Variants in NUP93 observed in about 807,000 individuals in gnomAD.
The protein encoded by NUP93 is nuclear pore complex protein Nup93.
NUP93 carries 55 observed loss-of-function variants against 107.8 expected under a neutral mutation model. The observed-to-expected ratio is 0.51, with a 90% CI of 0.41 to 0.64. The LOEUF (loss-of-function observed/expected upper bound fraction) is 0.64, where lower values mean the gene tolerates loss of function less well. Among genes scored for constraint, NUP93 ranks in the 30% least tolerant of loss-of-function variants. NUP93 has a pLI of 0.00. For synonymous variants in NUP93, 390 were observed against 397.5 expected, an observed-to-expected ratio of 0.98 and a Z score of 0.22; for missense variants, 937 against 1,044.7, an observed-to-expected ratio of 0.90 and a Z score of 1.42.
At chr16:56,833,097 G>T (rs753227891) in intron 12 of NUP93, 118 bp from the exon 13 acceptor site, 28 of 816,274 alleles carry the variant, frequency 3.4e-5, no homozygotes, top group Non-Finnish European at 5.4e-5. Flanking sequence ...TCAATCTGGT[G>T]CTTTCTTCCT....
intron 4 of NUP93, among the ~76,000 whole-genome samples, chr16:56,801,289 G>A (rs1402819151): frequency 6.6e-6 from 1 of 152,160 alleles, no homozygotes; most frequent in Admixed American, 6.5e-5. Flanking sequence ...AGAATAGATT[G>A]GAATGGGACA....
rs1963979836 is a variant in NUP93, at chr16:56,839,520, G to A, written c.2137-1G>A. On this transcript the variant is annotated splice_acceptor_variant, in intron 19 of 21. Coordinates refer to ENST00000308159, the MANE Select transcript of NUP93 (RefSeq NM_014669.5). LOFTEE classifies it high-confidence loss of function. ...ATGGGGCCGGTGGTTGTTTTAAACA[G>A]ATCATTGAGCGCTTGAAGCTGGTGC... 1 of 1,610,326 alleles carries A rather than the reference G, an allele frequency of 6.2e-7. No homozygotes were observed. Among genetic ancestry groups the A allele is most frequent in the African/African-American group, 1.3e-5 (1 of 74,672 alleles).
At chr16:56,766,371 C>T (rs1032815325) in intron 3 of NUP93, among the ~76,000 whole-genome samples, 5 of 152,186 alleles carry the variant, frequency 3.3e-5, no homozygotes, top group African/African-American at 1.2e-4. Flanking sequence ...CTCCCTCCTT[C>T]ACCAGCTATC....
At chr16:56,803,156 A>AAAATC (rs1284567278) in intron 4 of NUP93, among the ~76,000 whole-genome samples, 1 of 152,256 alleles carries the variant, frequency 6.6e-6, no homozygotes, top group Non-Finnish European at 1.5e-5. Flanking sequence ...GTTTCTTTAA[A>AAAATC]AAATCAAATC....
chr16:56,790,635 C>A (rs1456261632), intron 3 of NUP93, among the ~76,000 whole-genome samples: 4 of 152,148 alleles, frequency 2.6e-5, no homozygotes, highest in Non-Finnish European at 4.4e-5. Context: ...AGAGGTCATT[C>A]ATTTGTTCAG....
intron 2 of NUP93, among the ~76,000 whole-genome samples, chr16:56,754,675 G>T (rs143770635): frequency 6.6e-6 from 1 of 152,170 alleles, no homozygotes; most frequent in Admixed American, 6.5e-5. Flanking sequence ...GGCACATGGT[G>T]CAAACCATCA....
At chr16:56,748,150 T>C in intron 1 of NUP93, 84 bp from the exon 2 acceptor site, 1 of 947,984 alleles carries the variant, frequency 1.1e-6, no homozygotes. Flanking sequence ...TTCTGCTGTT[T>C]TGTTAAGCTT....
intron 3 of NUP93, among the ~76,000 whole-genome samples, chr16:56,770,739 A>C (rs890981208): frequency 1.3e-5 from 2 of 152,116 alleles, no homozygotes; most frequent in Admixed American, 1.3e-4. Flanking sequence ...GGACTGGTAC[A>C]TGAAGTGTGT....
chr16:56,751,673 A>G lies in NUP93; in HGVS notation c.179+3247A>G, dbSNP rs145801253. Among the ~76,000 whole-genome samples the G allele has an allele frequency of 4.0e-3, 612 of 152,332 alleles. 2 individuals carry two copies. The highest frequency in any genetic ancestry group is 6.4e-3 in the Non-Finnish European group (436 of 68,030). On this transcript the variant is annotated intron_variant, in intron 2 of 21. Coordinates refer to ENST00000308159, the MANE Select transcript of NUP93 (RefSeq NM_014669.5). The stretch of plus-strand genomic sequence containing the variant: ...GAGGCTTAGAAAGATTATGTATCCA[A>G]TATTTTCAGTGAGTGACAGGTGAGA...
At chr16:56,795,470 C>T (rs1022135063) in intron 3 of NUP93, among the ~76,000 whole-genome samples, 4 of 151,952 alleles carry the variant, frequency 2.6e-5, no homozygotes. Flanking sequence ...CTGAATGAAC[C>T]ATGTGGGTTC....
rs1314943150 is a variant in NUP93 at position 56,848,142 on chromosome 16, G to A, written c.*3533G>A. The A allele has an allele frequency of 6.6e-6, 1 of 152,060 alleles. No individual in the cohort carries two copies. The highest frequency in any genetic ancestry group is 1.5e-5 in the Non-Finnish European group (1 of 68,000). 9.4% of individuals were successfully genotyped at this position (152,060 alleles called of 1,614,324 possible). ...CCAGAACCTTTGTCTAGTTCATTAG[G>A]TGGTTCACATCACTTGCCAAATTTC... On this transcript the variant is annotated 3_prime_UTR_variant, in exon 22 of 22. Transcript: ENST00000308159.
At chr16:56,838,125 C>T (rs1174938244) in intron 18 of NUP93, among the ~76,000 whole-genome samples, 1 of 152,176 alleles carries the variant, frequency 6.6e-6, no homozygotes, top group Non-Finnish European at 1.5e-5. Context: ...GTGTTTCAGA[C>T]TACCTGGATC....
chr16:56,765,106 G>A (rs1962193830), intron 3 of NUP93, among the ~76,000 whole-genome samples: 1 of 152,172 alleles, frequency 6.6e-6, no homozygotes, highest in Non-Finnish European at 1.5e-5. Context: ...ATATGCCTGA[G>A]TAGGCTCTTC....
intron 3 of NUP93, among the ~76,000 whole-genome samples, chr16:56,765,451 C>T (rs1257807261): frequency 6.6e-6 from 1 of 152,176 alleles, no homozygotes; most frequent in Non-Finnish European, 1.5e-5. Flanking sequence ...ATAGTTAATG[C>T]TCCTGGGCTC....
chr16:56,768,728 G>A lies in NUP93; in HGVS notation c.297+10073G>A, dbSNP rs553361193. On this transcript the variant is annotated intron_variant, in intron 3 of 21. Transcript: ENST00000308159. ...AAAAAATACAAAAAATTAGCCTGGT[G>A]TGGTGGCGGGCGCCTGTAGTCCCAG... Among the ~76,000 whole-genome samples the A allele has an allele frequency of 2.0e-3, 311 of 151,756 alleles. 8 individuals carry two copies. The East Asian group carries it at 0.057, about 28-fold the overall frequency.
rs369078681 is a variant in NUP93 at position 56,844,557 on chromosome 16, C to T, written c.2408C>T (p.Thr803Met). 71 of 1,583,734 alleles carry T rather than the reference C, an allele frequency of 4.5e-5. No individual in the cohort carries two copies. The highest frequency in any genetic ancestry group is 5.5e-5 in the Non-Finnish European group (64 of 1,165,544). ...TTTGCTGGAATGATACCATACCGAA[C>T]GTCTGGGGACACCAATGCGAGGCTG... ...ITFAGMIPYR[T>M]SGDTNARLVQ... The change falls in exon 22 of 22, where the codon ACG (threonine) becomes ATG (methionine). Residue 803 changes from threonine (T) to methionine (M), a missense_variant. Coordinates refer to ENST00000308159, the MANE Select transcript of NUP93 (RefSeq NM_014669.5).
At chr16:56,836,550 C>A (rs1477391178) in intron 16 of NUP93, 51 bp from the exon 17 acceptor site, 1 of 1,078,378 alleles carries the variant, frequency 9.3e-7, no homozygotes, top group Non-Finnish European at 1.4e-6. Context: ...AAAATAATAG[C>A]TCTGTGCACC....
intron 6 of NUP93, among the ~76,000 whole-genome samples, chr16:56,820,167 T>C (rs935143770): frequency 6.6e-6 from 1 of 152,246 alleles, no homozygotes; most frequent in Non-Finnish European, 1.5e-5. Flanking sequence ...ACCGTAATAT[T>C]GTGTCTGTTT....
chr16:56,835,796 G>A (rs561296556), intron 16 of NUP93, among the ~76,000 whole-genome samples: 1 of 152,162 alleles, frequency 6.6e-6, no homozygotes, highest in Non-Finnish European at 1.5e-5. Flanking sequence ...TGACCATTTA[G>A]TTGCTGTTGA....
Sources: gnomAD v4.1 joint callset for allele counts (sites outside exome capture counted in the v4.1 genomes callset) on GRCh38, gnomAD v4.1.1 for gene constraint, MANE v1.5 for transcripts, NCBI Gene and HGNC (gene_info 2026-07-23, HGNC 2026-07-21) for gene names.